The following PTPRF variants were observed in gnomAD, a reference collection of about 807,000 sequenced individuals.
PTPRF encodes protein tyrosine phosphatase receptor type F.
PTPRF carries 59 observed loss-of-function variants against 201.8 expected under a neutral mutation model. That is an observed-to-expected ratio of 0.29 (90% confidence interval 0.24 to 0.36). The LOEUF (loss-of-function observed/expected upper bound fraction) is 0.36. Ranked by LOEUF, PTPRF falls within the 10% of genes least tolerant of loss-of-function variation. PTPRF has a pLI of 1.00. For synonymous variants in PTPRF, 1,088 were observed against 1,089.7 expected (o/e 1.00, Z 0.03); for missense variants, 2,132 against 2,690.5 (o/e 0.79, Z 4.59).
chr1:43,533,212 C>G (rs938625647), intron 1 of PTPRF, among the ~76,000 whole-genome samples: 3 of 152,064 alleles, frequency 2.0e-5, no homozygotes, highest in African/African-American at 7.2e-5. Context: ...CTTCTTCTTG[C>G]AACTACTGAT....
chr1:43,578,415 C>T (rs1647075371), intron 6 of PTPRF, among the ~76,000 whole-genome samples: 1 of 152,178 alleles, frequency 6.6e-6, no homozygotes, highest in Non-Finnish European at 1.5e-5. Flanking sequence ...GCAGGCTGCT[C>T]CCACACCTGG....
intron 11 of PTPRF, among the ~76,000 whole-genome samples, chr1:43,596,195 G>T (rs1290076637): frequency 6.6e-6 from 1 of 152,182 alleles, no homozygotes; most frequent in East Asian, 1.9e-4. Flanking sequence ...TGGCGAGCAG[G>T]CTCAGTGCCC....
rs146726431 is a variant in PTPRF at position 43,554,119 on chromosome 1, C to G, written c.379+178C>G. ...GTCATTGGATCTGGCCTGGATTGTG[C>G]GGCTTATGCTGAGGCCAGCCATGTG... On this transcript the variant is annotated intron_variant, in intron 5 of 33. Transcript: ENST00000359947. This position sits in a 1 kb window ranked among gnomAD's most constrained non-coding sequence, Gnocchi z 4.1. Among the ~76,000 whole-genome samples the G allele has an allele frequency of 6.6e-6, 1 of 152,140 alleles. No individual in the cohort carries two copies. Among genetic ancestry groups the G allele is most frequent in the Admixed American group, 6.5e-5 (1 of 15,274 alleles).
chr1:43,591,195 G>A lies in PTPRF; in HGVS notation c.1173G>A (p.Ala391=), dbSNP rs768589021. Residue 391 remains alanine (A), a synonymous_variant, in exon 9 of 34, where the codon GCG becomes GCA. Coordinates refer to ENST00000359947, the MANE Select transcript of PTPRF (RefSeq NM_002840.5). ...PFSEYAFRVL[A]VNSIGRGPPS... is the part of the protein sequence containing the mutation. ...CGGAATATGCCTTCCGCGTGCTGGC[G>A]GTGAACAGCATCGGGCGAGGGCCGC... 15 of 1,609,800 alleles carry A rather than the reference G, an allele frequency of 9.3e-6. No individual in the cohort carries two copies. Among genetic ancestry groups the A allele is most frequent in the African/African-American group, 6.7e-5 (5 of 74,896 alleles).
At position 43,546,854 on chromosome 1, in the gene PTPRF, T is replaced by G. The variant is rs1644708642; in HGVS notation, c.91+1688T>G. On this transcript the variant is annotated intron_variant, in intron 3 of 33. Coordinates refer to ENST00000359947, the MANE Select transcript of PTPRF (RefSeq NM_002840.5). This position sits in a 1 kb window ranked among gnomAD's most constrained non-coding sequence, Gnocchi z 4.2. ...TCCCTCCGTGATATCCCACATCTAA[T>G]CCATCACCAAGCTCCGTTGCTTCTA... Among the ~76,000 whole-genome samples the G allele has an allele frequency of 6.6e-6, 1 of 152,136 alleles. No individual in the cohort carries two copies. The highest frequency in any genetic ancestry group is 1.5e-5 in the Non-Finnish European group (1 of 68,012).
chr1:43,609,964 C>T (rs922373914), intron 22 of PTPRF, among the ~76,000 whole-genome samples: 2 of 152,210 alleles, frequency 1.3e-5, no homozygotes, highest in Non-Finnish European at 2.9e-5. Flanking sequence ...TACCATACCA[C>T]GTACCTGCCC....
Position 43,598,876 on chromosome 1 carries a change from TCCC to T in PTPRF, c.2278_2280del (p.Pro760del). Reference sequence around the variant, plus strand: ...CTGGAGAATGGCGAGCCCCGTGGACTCCCCATCATCCAAGACGTCATGCTAGCC... The same window carrying T: ...CTGGAGAATGGCGAGCCCCGTGGACTCATCATCCAAGACGTCATGCTAGCC... On this transcript the variant is annotated inframe_deletion, in exon 13 of 34. Coordinates refer to ENST00000359947, the MANE Select transcript of PTPRF (RefSeq NM_002840.5). The T allele has an allele frequency of 6.2e-7, 1 of 1,614,048 alleles. No individual in the cohort carries two copies. The highest frequency in any genetic ancestry group is 1.1e-5 in the South Asian group (1 of 91,076).
At chr1:43,575,819 T>G in intron 6 of PTPRF, 5 of 1,200,086 alleles carry the variant, frequency 4.2e-6, no homozygotes, top group Non-Finnish European at 4.5e-6. Context: ...TTCTTGTGTT[T>G]TATTTTACCT....
Position 43,605,558 on chromosome 1 carries a change from A to G in PTPRF, c.3419A>G (p.Asp1140Gly). 1 of 1,614,102 alleles carries G rather than the reference A, an allele frequency of 6.2e-7. No individual in the cohort carries two copies. The highest frequency in any genetic ancestry group is 8.5e-7 in the Non-Finnish European group (1 of 1,180,008). ...TTCTACATTGTTGTGGTGCCCATTG[A>G]CCGTGTGGGCGGGAGCATGCTGACG... ...RWFYIVVVPIDRVGGSMLTPR... is the reference protein window; with the variant it reads ...RWFYIVVVPIGRVGGSMLTPR... Residue 1140 changes from aspartate (D) to glycine (G), a missense_variant, in exon 19 of 34, where the codon GAC (aspartate) becomes GGC (glycine). This residue lies in a region of PTPRF where 818 missense variants were observed against 915.3 expected (regional missense o/e 0.89). Transcript: ENST00000359947.
At chr1:43,582,612 T>C (rs688627) in intron 7 of PTPRF, 74,574 of 152,254 alleles carry the variant, frequency 0.49, 19,738 homozygotes, top group African/African-American at 0.7. Context: ...CAGTGCCTTT[T>C]TCCCCACAGG....
Position 43,531,512 on chromosome 1 carries a change from C to G in PTPRF, c.-126+422C>G, listed in dbSNP as rs1454632740. 7.5e-5 allele frequency among the ~76,000 whole-genome samples: 11 copies of G among 147,198 alleles called. No individual in the cohort carries two copies. In the East Asian group the frequency reaches 2.0e-3, roughly 27 times the overall value. The stretch of plus-strand genomic sequence containing the variant: ...CTCCGGGGGCGGCCCTCAGACCCCC[C>G]AGCCCCGGGCTCCGGGCGGGTCCAG... On this transcript the variant is annotated intron_variant, in intron 1 of 33. Coordinates refer to ENST00000359947, the MANE Select transcript of PTPRF (RefSeq NM_002840.5).
At chr1:43,578,941 T>C in intron 7 of PTPRF, 21 bp downstream of exon 7, 1 of 1,609,618 alleles carries the variant, frequency 6.2e-7, no homozygotes, top group Non-Finnish European at 8.5e-7. Flanking sequence ...AGGCAGTGCC[T>C]GGCCCCTGTC....
At chr1:43,532,151 C>T (rs1433191353) in intron 1 of PTPRF, among the ~76,000 whole-genome samples, 2 of 152,178 alleles carry the variant, frequency 1.3e-5, no homozygotes, top group Non-Finnish European at 2.9e-5. Flanking sequence ...TCTCACCCAT[C>T]TCTTGGTGTC....
At chr1:43,576,332 T>C (rs931907871) in intron 6 of PTPRF, among the ~76,000 whole-genome samples, 13 of 151,364 alleles carry the variant, frequency 8.6e-5, no homozygotes, top group African/African-American at 2.9e-4. Flanking sequence ...ACAGTCTCTT[T>C]TGGGGGGACC....
intron 17 of PTPRF, 30 bp from the exon 18 acceptor site, chr1:43,605,160 G>A (rs1315741488): frequency 4.4e-6 from 7 of 1,580,380 alleles, no homozygotes; most frequent in South Asian, 2.3e-5. Context: ...CTCACCCAAA[G>A]GCATTGATTG....
chr1:43,598,696 T>A (rs1176563152), intron 12 of PTPRF, 24 bp from the exon 13 acceptor site: 1 of 1,604,848 alleles, frequency 6.2e-7, no homozygotes, highest in Non-Finnish European at 8.5e-7. Flanking sequence ...CAGGCCTGAC[T>A]TCCTTCTCTA....
chr1:43,562,448 C>G (rs1024058763), intron 5 of PTPRF, among the ~76,000 whole-genome samples: 1 of 152,020 alleles, frequency 6.6e-6, no homozygotes, highest in African/African-American at 2.4e-5. Context: ...CTCTGCCACC[C>G]AGGCTGGAGT....
Position 43,603,660 on chromosome 1 carries a change from G to T in PTPRF, c.2508G>T (p.Ala836=). The T allele has an allele frequency of 6.2e-7, 1 of 1,613,544 alleles. No individual in the cohort carries two copies. Among genetic ancestry groups the T allele is most frequent in the Non-Finnish European group, 8.5e-7 (1 of 1,179,984 alleles). Reference sequence around the variant, plus strand: ...TCAGCACCACGGCCATGAACACTGCGCTGCTCCAGTGGCACCCACCCAAGG... The same window carrying T: ...TCAGCACCACGGCCATGAACACTGCTCTGCTCCAGTGGCACCCACCCAAGG... The part of the protein sequence containing the change: ...MMISTTAMNT[A]LLQWHPPKEL... Residue 836 remains alanine (A), a synonymous_variant, in exon 16 of 34, where the codon GCG becomes GCT. Transcript: ENST00000359947. This position sits in a 1 kb window ranked among gnomAD's most constrained non-coding sequence, Gnocchi z 5.8.
chr1:43,583,484 C>T (rs142242228), intron 7 of PTPRF, among the ~76,000 whole-genome samples: 46 of 152,258 alleles, frequency 3.0e-4, no homozygotes, highest in African/African-American at 1.0e-3. Context: ...AGACCTGTAG[C>T]GCTTTGTGTG....
Sources: gnomAD v4.1 joint callset for allele counts (sites outside exome capture counted in the v4.1 genomes callset) on GRCh38, gnomAD v4.1.1 for gene constraint, gnomAD v4.1.1 regional missense constraint, Gnocchi (gnomAD v3.1) non-coding constraint, MANE v1.5 for transcripts, NCBI Gene and HGNC (gene_info 2026-07-23, HGNC 2026-07-21) for gene names.